CCDC7: variants seen among roughly 807,000 people sequenced by gnomAD.
The protein encoded by CCDC7 is coiled-coil domain containing 7, also known as coiled-coil domain-containing protein 7.
A neutral mutation model predicts 196.9 loss-of-function variants in CCDC7; 183 were observed. That is an observed-to-expected ratio of 0.93 (90% confidence interval 0.82 to 1.05). The LOEUF is 1.05. Ranked by LOEUF, CCDC7 falls within the 50% of genes least tolerant of loss-of-function variation. The probability of loss-of-function intolerance (pLI) is 0.00; values close to 1 mark genes in which losing one functional copy is unlikely to be tolerated. For missense variants in CCDC7, 1,540 were observed against 1,482.2 expected, an observed-to-expected ratio of 1.04 and a Z score of -0.64; for synonymous variants, 525 against 484.6, an observed-to-expected ratio of 1.08 and a Z score of -1.10.
intron 30 of CCDC7, among the ~76,000 whole-genome samples, chr10:32,806,882 A>G (rs1322834340): frequency 6.6e-6 from 1 of 152,286 alleles, no homozygotes; most frequent in East Asian, 1.9e-4. Flanking sequence ...GAGAAAAACA[A>G]TGCATGATGT....
intron 11 of CCDC7, among the ~76,000 whole-genome samples, chr10:32,523,951 T>G (rs1297637821): frequency 6.6e-6 from 1 of 151,918 alleles, no homozygotes; most frequent in Non-Finnish European, 1.5e-5. Context: ...CACATATCTT[T>G]TGATTAGAAA....
At chr10:32,627,934 T>C (rs1372175798) in intron 18 of CCDC7, among the ~76,000 whole-genome samples, 1 of 152,056 alleles carries the variant, frequency 6.6e-6, no homozygotes, top group Non-Finnish European at 1.5e-5. Context: ...GTTGAGTATC[T>C]TTGCATCTAT....
At chr10:32,577,528 G>A (rs1393314014) in intron 16 of CCDC7, among the ~76,000 whole-genome samples, 1 of 152,076 alleles carries the variant, frequency 6.6e-6, no homozygotes, top group Non-Finnish European at 1.5e-5. Flanking sequence ...TTTGAAGCAT[G>A]TCCAATACCA....
At chr10:32,574,585 C>A in intron 16 of CCDC7, 1 of 1,012,458 alleles carries the variant, frequency 9.9e-7, no homozygotes, top group Non-Finnish European at 1.3e-6. Flanking sequence ...TTTATTTTGG[C>A]TTAGGGAATG....
exon 1 of CCDC7, chr10:32,451,649 C>T: frequency 1.3e-6 from 2 of 1,576,844 alleles, no homozygotes; most frequent in African/African-American, 1.4e-5. Context: ...CAAAATGAAA[C>T]CAGTAAAGCA....
At chr10:32,839,177 T>G (rs547348188) in intron 33 of CCDC7, among the ~76,000 whole-genome samples, 1 of 151,978 alleles carries the variant, frequency 6.6e-6, no homozygotes, top group East Asian at 1.9e-4. Flanking sequence ...AATGCTGCAC[T>G]TAAAAGATAC....
At position 32,794,365 on chromosome 10, in the gene CCDC7, A is replaced by G. The variant is rs571635696; in HGVS notation, c.3014-10650A>G. Among the ~76,000 whole-genome samples the G allele has an allele frequency of 2.6e-4, 40 of 152,302 alleles. 1 individual carries two copies. In the South Asian group the frequency reaches 8.1e-3, roughly 31 times the overall value. On this transcript the variant is annotated intron_variant, in intron 29 of 41. Coordinates refer to ENST00000639629, the Ensembl canonical transcript of CCDC7. The stretch of plus-strand genomic sequence containing the variant: ...TGATTCCATGTCTTTGCTATTGTGA[A>G]TAGTGCAGTAATGAACTTTTGAGTG...
At chr10:32,531,355 T>A (rs748420588) in intron 11 of CCDC7, among the ~76,000 whole-genome samples, 1 of 152,128 alleles carries the variant, frequency 6.6e-6, no homozygotes, top group African/African-American at 2.4e-5. Flanking sequence ...AACTCCTGGA[T>A]GGAAGTGATC....
At chr10:32,587,993 A>C (rs73255452) in intron 18 of CCDC7, among the ~76,000 whole-genome samples, 1,926 of 152,280 alleles carry the variant, frequency 0.013, 47 homozygotes, top group African/African-American at 0.044. Context: ...CCACATGAAT[A>C]AATTAATCCA....
chr10:32,746,170 A>G (rs1449842130), intron 28 of CCDC7, among the ~76,000 whole-genome samples: 5 of 152,114 alleles, frequency 3.3e-5, no homozygotes, highest in Non-Finnish European at 7.4e-5. Flanking sequence ...TTGAGAGTGG[A>G]CAGAGGGAGG....
chr10:32,858,710 C>G (rs2093854279), intron 41 of CCDC7, among the ~76,000 whole-genome samples: 2 of 151,692 alleles, frequency 1.3e-5, no homozygotes, highest in South Asian at 4.2e-4. Context: ...GAAAAATCTA[C>G]AGCTGATGGA....
chr10:32,518,683 A>G (rs2047426979), intron 11 of CCDC7, among the ~76,000 whole-genome samples, 178 bp downstream of exon 12: 1 of 132,798 alleles, frequency 7.5e-6, no homozygotes, highest in African/African-American at 2.8e-5. Flanking sequence ...TTAGGTGTCA[A>G]AACCAAAAGG....
rs548486051 is a variant in CCDC7 at position 32,725,696 on chromosome 10, A to G, written c.2570-1038A>G. Among the ~76,000 whole-genome samples the G allele has an allele frequency of 1.5e-3, 226 of 152,194 alleles. 1 individual carries two copies. Among genetic ancestry groups the G allele is most frequent in the African/African-American group, 5.2e-3 (215 of 41,548 alleles). ...ATGGTGGAAGGGAAGGGGAACCAGC[A>G]TGTCACATGGCAAGAGAAGCAAGAG... On this transcript the variant is annotated intron_variant, in intron 25 of 41. Transcript: ENST00000639629.
At chr10:32,650,600 C>T (rs1002573652) in intron 20 of CCDC7, among the ~76,000 whole-genome samples, 9 of 152,144 alleles carry the variant, frequency 5.9e-5, no homozygotes, top group Admixed American at 3.9e-4. Context: ...TGCAGGGAGG[C>T]ATGGCTAGGT....
Position 32,727,449 on chromosome 10 carries a change from G to C in CCDC7, c.2668+617G>C, listed in dbSNP as rs140310135. ...CCTTTTCATTTTAGGGGATTGAGAGGACGAAAAGATAGGCGACTGCACATC... is the reference window on the plus strand; with the variant it reads ...CCTTTTCATTTTAGGGGATTGAGAGCACGAAAAGATAGGCGACTGCACATC... On this transcript the variant is annotated intron_variant, in intron 26 of 41. Coordinates refer to ENST00000639629, the Ensembl canonical transcript of CCDC7. 8.8e-3 allele frequency among the ~76,000 whole-genome samples: 1,332 copies of C among 152,186 alleles called. 15 individuals carry two copies. Among genetic ancestry groups the C allele is most frequent in the African/African-American group, 0.029 (1,212 of 41,528 alleles).
intron 40 of CCDC7, among the ~76,000 whole-genome samples, chr10:32,852,501 T>A (rs913648219): frequency 1.3e-5 from 2 of 152,144 alleles, no homozygotes; most frequent in Admixed American, 1.3e-4. Flanking sequence ...TATTTTTTTA[T>A]AAACGGAGTC....
chr10:32,511,464 A>T (rs979197048), intron 9 of CCDC7: 2 of 1,607,238 alleles, frequency 1.2e-6, no homozygotes. Context: ...CTGTTCATAT[A>T]TACTCTGATT....
At chr10:32,835,350 T>C (rs78040776) in intron 33 of CCDC7, among the ~76,000 whole-genome samples, 1 of 152,088 alleles carries the variant, frequency 6.6e-6, no homozygotes, top group Non-Finnish European at 1.5e-5. Flanking sequence ...ATATTTAGGA[T>C]AGTTAGATCT....
rs769774207 is a variant in CCDC7, at chr10:32,517,926, T to G, written c.873-19T>G. The G allele has an allele frequency of 1.3e-6, 2 of 1,589,748 alleles. No homozygotes were observed. The highest frequency in any genetic ancestry group is 2.7e-5 in the African/African-American group (2 of 73,388). On this transcript the variant is annotated intron_variant, in intron 9 of 41. Coordinates refer to ENST00000639629, the Ensembl canonical transcript of CCDC7. ...TAAATGTACAATTATAAACACACTT[T>G]TTTTGGTTTATTTTTCAGAGCTGTA...
Sources: allele counts gnomAD v4.1 joint callset (sites outside exome capture counted in the v4.1 genomes callset), GRCh38; gene constraint gnomAD v4.1.1; transcripts MANE v1.5; gene names NCBI Gene and HGNC (gene_info 2026-07-23, HGNC 2026-07-21).